BARD1: variants seen among roughly 807,000 people sequenced by gnomAD.
The protein encoded by BARD1 is BRCA1 associated RING domain 1.
In BARD1, 73 loss-of-function variants were observed where a neutral mutation model predicts 77.0. The observed-to-expected ratio is 0.95, with a 90% confidence interval of 0.79 to 1.15. The LOEUF (loss-of-function observed/expected upper bound fraction) is 1.15. BARD1 is among the 50% of genes most tolerant of loss of function. The probability of loss-of-function intolerance (pLI) is 0.00; values close to 1 mark genes in which losing one functional copy is unlikely to be tolerated. For missense variants in BARD1, 993 were observed against 938.8 expected, an observed-to-expected ratio of 1.06 and a Z score of -0.75; for synonymous variants, 384 against 338.0, an observed-to-expected ratio of 1.14 and a Z score of -1.49.
intron 6 of BARD1, among the ~76,000 whole-genome samples, chr2:214,754,384 G>C (rs1435871886): frequency 6.6e-6 from 1 of 151,174 alleles, no homozygotes; most frequent in African/African-American, 2.4e-5. Context: ...CATACACTAG[G>C]ACTTTTTGAC....
intron 3 of BARD1, among the ~76,000 whole-genome samples, chr2:214,791,401 T>C (rs944001892): frequency 6.6e-6 from 1 of 152,216 alleles, no homozygotes; most frequent in East Asian, 1.9e-4. Context: ...CAATTTTATA[T>C]GAGCATTATC....
At chr2:214,771,714 C>T (rs13416731) in intron 4 of BARD1, among the ~76,000 whole-genome samples, 21,043 of 150,790 alleles carry the variant, frequency 0.14, 1,565 homozygotes, top group African/African-American at 0.19. Flanking sequence ...GGCGACAGAG[C>T]GAGACTCTAC....
intron 2 of BARD1, among the ~76,000 whole-genome samples, chr2:214,794,812 A>G (rs1695687071): frequency 6.6e-6 from 1 of 152,246 alleles, no homozygotes; most frequent in East Asian, 1.9e-4. Context: ...GCATGAATAA[A>G]AACAGCTACC....
intron 3 of BARD1, 29 bp from the exon 4 acceptor site, chr2:214,781,538 T>A: frequency 6.3e-7 from 1 of 1,580,258 alleles, no homozygotes; most frequent in South Asian, 1.1e-5. Context: ...AAGAAATCTG[T>A]TACATGAAAT....
intron 1 of BARD1, among the ~76,000 whole-genome samples, chr2:214,797,925 C>T (rs1695831217): frequency 6.6e-6 from 1 of 152,000 alleles, no homozygotes. Flanking sequence ...TTTGTTAATC[C>T]TAACAAAGTA....
At chr2:214,778,654 T>C (rs1270818099) in intron 4 of BARD1, among the ~76,000 whole-genome samples, 1 of 152,164 alleles carries the variant, frequency 6.6e-6, no homozygotes, top group Non-Finnish European at 1.5e-5. Context: ...CCCAATTTTG[T>C]ACGTAAGTTT....
intron 3 of BARD1, among the ~76,000 whole-genome samples, chr2:214,790,563 C>T (rs10177334): frequency 0.62 from 94,566 of 152,032 alleles, 29,906 homozygotes; most frequent in Non-Finnish European, 0.68. Context: ...CTCAGACTTC[C>T]AGTGTCTGGA....
At chr2:214,800,369 G>A (rs1472062871) in intron 1 of BARD1, among the ~76,000 whole-genome samples, 1 of 152,130 alleles carries the variant, frequency 6.6e-6, no homozygotes, top group Non-Finnish European at 1.5e-5. Context: ...AAGTGTGTGA[G>A]CCAAGCTGAG....
rs2106088340 is a variant in BARD1, at chr2:214,771,999, CATGT to C, written c.1315-2691_1315-2688del. Reference sequence around the variant, plus strand: ...AAATTCTACTTCTAGAGCAAGTTATCATGTATTTAGCAACTGGAGTGCAATGGCA... The same window carrying C: ...AAATTCTACTTCTAGAGCAAGTTATCATTTAGCAACTGGAGTGCAATGGCA... On this transcript the variant is annotated intron_variant, in intron 4 of 10. Coordinates refer to ENST00000260947, the MANE Select transcript of BARD1 (RefSeq NM_000465.4). Among the ~76,000 whole-genome samples, 3 of 149,736 alleles carry C rather than the reference CATGT, an allele frequency of 2.0e-5. No individual in the cohort carries two copies. In the South Asian group the frequency reaches 6.4e-4, roughly 32 times the overall value.
Position 214,769,203 on chromosome 2 carries a change from A to G in BARD1, c.1395+29T>C, listed in dbSNP as rs375061166. The G allele has an allele frequency of 2.0e-4, 310 of 1,563,076 alleles. No homozygotes were observed. The highest frequency in any genetic ancestry group is 2.6e-4 in the Non-Finnish European group (293 of 1,133,884). On this transcript the variant is annotated intron_variant, in intron 5 of 10. Transcript: ENST00000260947. ...AACTATAAGAACTGTAAAACACAGA[A>G]AGAATGAGAATAAAAACCAGACAAC...
chr2:214,806,286 C>T (rs141101948), intron 1 of BARD1, among the ~76,000 whole-genome samples: 55 of 152,254 alleles, frequency 3.6e-4, no homozygotes, highest in African/African-American at 1.2e-3. Context: ...TGAGGGTAAT[C>T]GGGGTAATCA....
chr2:214,805,909 T>C (rs1268541914), intron 1 of BARD1, among the ~76,000 whole-genome samples: 1 of 152,202 alleles, frequency 6.6e-6, no homozygotes, highest in Non-Finnish European at 1.5e-5. Context: ...AGGTACCTAT[T>C]AATTCACAAA....
rs576548451 is a variant in BARD1 at position 214,801,640 on chromosome 2, C to T, written c.159-4523G>A. On this transcript the variant is annotated intron_variant, in intron 1 of 10. Transcript: ENST00000260947. ...CCATCTCTTGGATTTCAGCCTCCAG[C>T]CATCACTTCTGCAAAATTCATGCCA... 5.9e-5 allele frequency among the ~76,000 whole-genome samples: 9 copies of T among 152,240 alleles called. 1 individual carries two copies. The highest frequency in any genetic ancestry group is 2.2e-4 in the African/African-American group (9 of 41,540).
rs1001831387 is a variant in BARD1 at position 214,727,085 on chromosome 2, T to C, written c.*1591A>G. On this transcript the variant is annotated 3_prime_UTR_variant, in exon 11 of 11. Coordinates refer to ENST00000260947, the MANE Select transcript of BARD1 (RefSeq NM_000465.4). ...TTTTTGTTTGGTGCTATGGTGTTCA[T>C]TTTCTATCAGAATGAAATGTGGGAC... 7 of 214,692 alleles carry C rather than the reference T, an allele frequency of 3.3e-5. No homozygotes were observed. The highest frequency in any genetic ancestry group is 9.4e-6 in the Non-Finnish European group (1 of 106,412). 13.3% of individuals were successfully genotyped at this position (214,692 alleles called of 1,614,324 possible).
rs182220125 is a variant in BARD1 at position 214,755,416 on chromosome 2, A to T, written c.1569-2861T>A. Among the ~76,000 whole-genome samples the T allele has an allele frequency of 4.3e-4, 66 of 152,298 alleles. No homozygotes were observed. The East Asian group carries it at 0.011, about 25-fold the overall frequency. Reference sequence around the variant, plus strand: ...CTCTTTTCTAGCATGATTTAACCTAAAGTTTTACCAAACTAGGTGTTTTGG... The same window carrying T: ...CTCTTTTCTAGCATGATTTAACCTATAGTTTTACCAAACTAGGTGTTTTGG... On this transcript the variant is annotated intron_variant, in intron 6 of 10. Coordinates refer to ENST00000260947, the MANE Select transcript of BARD1 (RefSeq NM_000465.4).
At chr2:214,789,100 T>G (rs1695404307) in intron 3 of BARD1, among the ~76,000 whole-genome samples, 1 of 152,146 alleles carries the variant, frequency 6.6e-6, no homozygotes, top group South Asian at 2.1e-4. Flanking sequence ...ATACTCTAAA[T>G]TTATTGTCAT....
chr2:214,781,782 A>G (rs763149224), intron 3 of BARD1, among the ~76,000 whole-genome samples: 21 of 152,206 alleles, frequency 1.4e-4, no homozygotes, highest in Non-Finnish European at 2.6e-4. Context: ...AAAAAAACCC[A>G]TAAAATACAA....
At chr2:214,779,819 C>A (rs1049130601) in intron 4 of BARD1, among the ~76,000 whole-genome samples, 2 of 152,216 alleles carry the variant, frequency 1.3e-5, no homozygotes, top group African/African-American at 4.8e-5. Flanking sequence ...TCTACCATAT[C>A]ATACTTTCCT....
chr2:214,756,118 A>C (rs1487836048), intron 6 of BARD1, among the ~76,000 whole-genome samples: 1 of 152,136 alleles, frequency 6.6e-6, no homozygotes, highest in East Asian at 1.9e-4. Context: ...GTCAAATTAT[A>C]ATTCCCAATG....
Sources: allele counts gnomAD v4.1 joint callset (sites outside exome capture counted in the v4.1 genomes callset), GRCh38; gene constraint gnomAD v4.1.1; transcripts MANE v1.5; gene names NCBI Gene and HGNC (gene_info 2026-07-23, HGNC 2026-07-21).